The following TBC1D19 variants were observed in gnomAD, a reference collection of about 807,000 sequenced individuals.
TBC1D19 encodes TBC1 domain family, member 19.
In TBC1D19, 60 loss-of-function variants were observed where a neutral mutation model predicts 89.0. The observed-to-expected ratio is 0.67, with a 90% CI of 0.55 to 0.84. The LOEUF (loss-of-function observed/expected upper bound fraction) is 0.84, where lower values mean the gene tolerates loss of function less well. TBC1D19 is among the 40% of genes least tolerant of loss of function. The pLI is 0.00. For missense variants in TBC1D19, 500 were observed against 610.8 expected (o/e 0.82, Z 1.91); for synonymous variants, 189 against 199.7 (o/e 0.95, Z 0.45).
At chr4:26,605,504 CA>C (rs1238383610) in intron 1 of TBC1D19, among the ~76,000 whole-genome samples, 42 of 152,110 alleles carry the variant, frequency 2.8e-4, no homozygotes, top group Middle Eastern at 3.4e-3. Context: ...AATAGTGCCG[CA>C]GAAAACATAC....
At chr4:26,674,608 T>C (rs974013733) in intron 11 of TBC1D19, among the ~76,000 whole-genome samples, 4 of 152,096 alleles carry the variant, frequency 2.6e-5, no homozygotes, top group Admixed American at 6.6e-5. Flanking sequence ...TTTCAACTTC[T>C]AGCTCACCCA....
intron 17 of TBC1D19, among the ~76,000 whole-genome samples, chr4:26,741,229 G>A (rs907714196): frequency 4.0e-5 from 6 of 151,724 alleles, no homozygotes; most frequent in Non-Finnish European, 7.4e-5. Context: ...GGTGGCGGGC[G>A]CCTGTAGTCC....
At chr4:26,634,160 T>C (rs1272177821) in intron 4 of TBC1D19, among the ~76,000 whole-genome samples, 4 of 152,098 alleles carry the variant, frequency 2.6e-5, no homozygotes, top group Non-Finnish European at 5.9e-5. Flanking sequence ...TTTTTTACAA[T>C]GGTCCTTATG....
intron 1 of TBC1D19, among the ~76,000 whole-genome samples, chr4:26,601,395 C>T (rs563444599): frequency 8.5e-4 from 129 of 152,114 alleles, no homozygotes; most frequent in African/African-American, 3.0e-3. Flanking sequence ...AATAGTATTC[C>T]ATTGTATTTA....
At chr4:26,735,392 A>T in intron 15 of TBC1D19, 63 bp from the exon 16 acceptor site, 1 of 1,353,614 alleles carries the variant, frequency 7.4e-7, no homozygotes, top group Non-Finnish European at 1.0e-6. Context: ...TTAATCTTTT[A>T]AAGCTTACCT....
At chr4:26,672,581 C>G (rs113744125) in intron 10 of TBC1D19, among the ~76,000 whole-genome samples, 2 of 152,126 alleles carry the variant, frequency 1.3e-5, no homozygotes, top group African/African-American at 4.8e-5. Context: ...GAAAATATAA[C>G]TGTAATGGTT....
rs554788200 is a variant in TBC1D19 at position 26,686,811 on chromosome 4, C to T, written c.892-1534C>T. 1.6e-4 allele frequency among the ~76,000 whole-genome samples: 24 copies of T among 152,248 alleles called. No individual in the cohort carries two copies. The South Asian group carries it at 4.8e-3, about 30-fold the overall frequency. ...CATTATGGTTTTTTCAGAGTTAGCA[C>T]ACATTCGCTAACCCCAGAGTCATCT... On this transcript the variant is annotated intron_variant, in intron 12 of 20. Transcript: ENST00000264866.
At chr4:26,639,660 A>G (rs542537913) in intron 6 of TBC1D19, among the ~76,000 whole-genome samples, 2 of 152,330 alleles carry the variant, frequency 1.3e-5, no homozygotes, top group East Asian at 3.9e-4. Context: ...ACAGACATGT[A>G]CATAACCCTT....
chr4:26,602,042 A>C (rs1740642629), intron 1 of TBC1D19, among the ~76,000 whole-genome samples: 1 of 152,216 alleles, frequency 6.6e-6, no homozygotes, highest in Non-Finnish European at 1.5e-5. Flanking sequence ...CCAGAGAACA[A>C]GGACAATGTC....
At chr4:26,616,581 T>C (rs1436017306) in intron 3 of TBC1D19, among the ~76,000 whole-genome samples, 3 of 152,128 alleles carry the variant, frequency 2.0e-5, no homozygotes, top group Non-Finnish European at 4.4e-5. Flanking sequence ...TATTAAACAA[T>C]GGGAGATAAA....
At chr4:26,737,449 A>G (rs114782183) in intron 16 of TBC1D19, among the ~76,000 whole-genome samples, 195 of 152,248 alleles carry the variant, frequency 1.3e-3, no homozygotes, top group African/African-American at 4.2e-3. Context: ...TGGAAGTTGT[A>G]CTTGAATGAT....
At chr4:26,584,700 C>T (rs1485630309) in intron 1 of TBC1D19, among the ~76,000 whole-genome samples, 1 of 152,168 alleles carries the variant, frequency 6.6e-6, no homozygotes, top group African/African-American at 2.4e-5. Context: ...TGTGGGTGGA[C>T]TTGGGCCCCC....
chr4:26,588,321 G>A (rs541258447), intron 1 of TBC1D19, among the ~76,000 whole-genome samples: 22 of 152,042 alleles, frequency 1.4e-4, no homozygotes, highest in Non-Finnish European at 2.1e-4. Flanking sequence ...CACCGCACCT[G>A]GCCATGTGTT....
At chr4:26,858,324 G>A in the TBC1D19 span, 3 of 152,020 alleles carry the variant, frequency 2.0e-5, no homozygotes, top group African/African-American at 4.8e-5. Context: ...ACATTGAGAG[G>A]TATAGGCTGG....
In TBC1D19 at chr4:26,726,957, A is replaced by G. The variant is rs533260179; in HGVS notation, c.1084+6832A>G. Among the ~76,000 whole-genome samples, 10 of 152,360 alleles carry G rather than the reference A, an allele frequency of 6.6e-5. No individual in the cohort carries two copies. In the East Asian group the frequency reaches 1.9e-3, roughly 29 times the overall value. ...CCATTCTGAGCTTTGTCAAAGGCCC[A>G]TAAATCATCACTTTATAAAATTATT... is the stretch of plus-strand genomic sequence containing the variant. On this transcript the variant is annotated intron_variant, in intron 15 of 20. Transcript: ENST00000264866.
At chr4:26,720,214 G>A in intron 15 of TBC1D19, 89 bp downstream of exon 15, 2 of 926,364 alleles carry the variant, frequency 2.2e-6, no homozygotes, top group Non-Finnish European at 3.2e-6. Flanking sequence ...TCTCTTTAAT[G>A]GATAATCATT....
chr4:26,667,326 A>G (rs1203295218), intron 9 of TBC1D19, among the ~76,000 whole-genome samples: 1 of 152,022 alleles, frequency 6.6e-6, no homozygotes, highest in Admixed American at 6.6e-5. Flanking sequence ...TACCCAGAAC[A>G]CTAAACAGAA....
At chr4:26,663,132 A>T (rs1029097603) in intron 8 of TBC1D19, 1 of 152,248 alleles carries the variant, frequency 6.6e-6, no homozygotes, top group African/African-American at 2.4e-5. Flanking sequence ...AATTATATTA[A>T]GGAGGGTCTT....
At chr4:26,829,390 C>T in the TBC1D19 span, among the ~76,000 whole-genome samples, 4 of 152,200 alleles carry the variant, frequency 2.6e-5, no homozygotes, top group Non-Finnish European at 5.9e-5. Flanking sequence ...CGTAAGCCCT[C>T]TATAGCTGAA....
Sources: gnomAD v4.1 joint callset for allele counts (sites outside exome capture counted in the v4.1 genomes callset) on GRCh38, gnomAD v4.1.1 for gene constraint, MANE v1.5 for transcripts, NCBI Gene and HGNC (gene_info 2026-07-23, HGNC 2026-07-21) for gene names.